Variants in HDGFL2 observed in about 807,000 individuals in gnomAD.
The protein encoded by HDGFL2 is HDGF like 2, also known as hepatoma-derived growth factor-related protein 2.
HDGFL2 carries 36 observed loss-of-function variants against 77.1 expected under a neutral mutation model. The observed-to-expected ratio is 0.47, with a 90% confidence interval of 0.36 to 0.62. HDGFL2 has a LOEUF of 0.62. Among genes scored for constraint, HDGFL2 ranks in the 20% least tolerant of loss-of-function variants. The pLI, the probability that HDGFL2 is intolerant of heterozygous loss-of-function variation, is 0.00. For synonymous variants in HDGFL2, 463 were observed against 413.1 expected (o/e 1.12, Z -1.46); for missense variants, 976 against 973.4 (o/e 1.00, Z -0.04).
chr19:4,501,155 C>T (rs1285692831), intron 14 of HDGFL2, 36 bp from the exon 15 acceptor site: 9 of 1,611,436 alleles, frequency 5.6e-6, no homozygotes, highest in Non-Finnish European at 7.6e-6. Context: ...CCAGCTGGAG[C>T]CCAGCAGTGT....
At chr19:4,484,694 C>T (rs1201025317) in intron 3 of HDGFL2, among the ~76,000 whole-genome samples, 31 of 23,638 alleles carry the variant, frequency 1.3e-3, no homozygotes, top group Non-Finnish European at 2.6e-3. Context: ...TTTTTTGACA[C>T]GGAGTCTTGC....
intron 3 of HDGFL2, among the ~76,000 whole-genome samples, chr19:4,482,216 CTT>C (rs1355467828): frequency 8.6e-6 from 1 of 116,532 alleles, no homozygotes. Flanking sequence ...TTCTTTCTTT[CTT>C]TTTTTTTTTG....
At chr19:4,473,676 C>T (rs751708146) in intron 1 of HDGFL2, among the ~76,000 whole-genome samples, 6 of 70,248 alleles carry the variant, frequency 8.5e-5, no homozygotes, top group Non-Finnish European at 1.5e-4. Flanking sequence ...GCTGGGACCT[C>T]TGAGTGAGGG....
chr19:4,501,881 T>C (rs995062537), intron 15 of HDGFL2, 30 bp from the exon 16 acceptor site: 5 of 1,408,090 alleles, frequency 3.6e-6, no homozygotes, highest in Non-Finnish European at 4.6e-6. Context: ...CGGGAGGGCA[T>C]CCTCACACCG....
chr19:4,482,823 T>C (rs2145169482), intron 3 of HDGFL2, among the ~76,000 whole-genome samples: 1 of 152,310 alleles, frequency 6.6e-6, no homozygotes, highest in East Asian at 1.9e-4. Flanking sequence ...GGGGCATTGA[T>C]AAGTCCTATA....
At chr19:4,498,202 G>C (rs1975759951) in intron 11 of HDGFL2, 104 bp from the exon 12 acceptor site, 4 of 1,256,810 alleles carry the variant, frequency 3.2e-6, no homozygotes, top group Admixed American at 1.9e-5. Context: ...CAGACCTGGG[G>C]CCCCCATGAC....
chr19:4,482,385 T>A (rs1232702652), intron 3 of HDGFL2, among the ~76,000 whole-genome samples: 1 of 152,132 alleles, frequency 6.6e-6, no homozygotes, highest in Non-Finnish European at 1.5e-5. Context: ...AATTTTTGTA[T>A]TTTTAGTAGA....
At chr19:4,497,387 C>G (rs985205000) in intron 10 of HDGFL2, 1 of 325,838 alleles carries the variant, frequency 3.1e-6, no homozygotes, top group Admixed American at 4.4e-5. Flanking sequence ...TTAGTAGAGA[C>G]GGGGCTTCAC....
At position 4,494,058 on chromosome 19, in the gene HDGFL2, G is replaced by A; in HGVS notation, c.914+1G>A. 6.2e-7 allele frequency: 1 copy of A among 1,604,474 alleles called. No homozygotes were observed. Among genetic ancestry groups the A allele is most frequent in the Non-Finnish European group, 8.5e-7 (1 of 1,176,096 alleles). On this transcript the variant is annotated splice_donor_variant, in intron 8 of 15. Coordinates refer to ENST00000616600, the MANE Select transcript of HDGFL2 (RefSeq NM_001001520.3). LOFTEE classifies it high-confidence loss of function. ...CTCCGTCCAGCTCCAGCAGTGACAG[G>A]TGGGTGCTGGGGCTGGGGTCCCCTC...
chr19:4,488,910 C>T, intron 4 of HDGFL2, 34 bp downstream of exon 4: 1 of 1,510,956 alleles, frequency 6.6e-7, no homozygotes, highest in East Asian at 2.5e-5. Flanking sequence ...GGCCCTTCAT[C>T]CCCTTGCCCT....
At chr19:4,493,103 G>GGT (rs1305631532) in intron 6 of HDGFL2, among the ~76,000 whole-genome samples, 1 of 135,026 alleles carries the variant, frequency 7.4e-6, no homozygotes, top group African/African-American at 2.9e-5. Context: ...TGTGGTGTGT[G>GGT]GTGTGTGTGT....
chr19:4,475,080 C>G, intron 1 of HDGFL2, 195 bp from the exon 2 acceptor site: 1 of 592,152 alleles, frequency 1.7e-6, no homozygotes, highest in Non-Finnish European at 3.0e-6. Flanking sequence ...AGGGGGAGAG[C>G]TCTCTGGGTG....
At chr19:4,488,525 G>C in intron 3 of HDGFL2, 151 bp from the exon 4 acceptor site, 1 of 715,498 alleles carries the variant, frequency 1.4e-6, no homozygotes, top group South Asian at 1.9e-5. Flanking sequence ...CGGCTCTTCT[G>C]GGCCTCGGTT....
At chr19:4,500,890 G>A (rs1351119349) in intron 14 of HDGFL2, among the ~76,000 whole-genome samples, 3 of 152,178 alleles carry the variant, frequency 2.0e-5, no homozygotes, top group African/African-American at 4.8e-5. Flanking sequence ...GTGAGCCCCC[G>A]TGCCCGACCT....
chr19:4,497,063 C>A, intron 10 of HDGFL2: 1 of 414,422 alleles, frequency 2.4e-6, no homozygotes. Flanking sequence ...TTAGTAGACA[C>A]GGGGTTTCAT....
chr19:4,486,184 T>C (rs1975359316), intron 3 of HDGFL2, among the ~76,000 whole-genome samples: 2 of 152,090 alleles, frequency 1.3e-5, no homozygotes, highest in Admixed American at 1.3e-4. Flanking sequence ...AAGGCTGGCC[T>C]GTGTGCTGCT....
chr19:4,498,950 C>T (rs556520143), intron 13 of HDGFL2, 35 bp downstream of exon 13: 33 of 1,474,002 alleles, frequency 2.2e-5, no homozygotes, highest in Admixed American at 1.9e-4. Flanking sequence ...AGGGTGCAGT[C>T]GGGGGAGCTG....
intron 4 of HDGFL2, among the ~76,000 whole-genome samples, chr19:4,491,271 CCCCCCA>C (rs1975503153): frequency 8.7e-6 from 1 of 114,960 alleles, no homozygotes; most frequent in African/African-American, 3.3e-5. Context: ...ACCCCCCCAC[CCCCCCA>C]CCCCCCCCGG....
intron 3 of HDGFL2, chr19:4,486,525 C>CA (rs570362970): frequency 0.17 from 18,826 of 114,072 alleles, 1,364 homozygotes; most frequent in South Asian, 0.24. Flanking sequence ...AATTCCATCT[C>CA]AAAAAAAAAA....
Sources: allele counts gnomAD v4.1 joint callset (sites outside exome capture counted in the v4.1 genomes callset), GRCh38; gene constraint gnomAD v4.1.1; transcripts MANE v1.5; gene names NCBI Gene and HGNC (gene_info 2026-07-23, HGNC 2026-07-21).